Variants in ASIP observed in about 807,000 individuals in gnomAD.
ASIP encodes the protein agouti signaling protein.
Under a neutral mutation model 10.3 loss-of-function variants are expected in ASIP, and 11 were observed. The observed-to-expected ratio is 1.07, with a 90% confidence interval of 0.68 to 1.78. ASIP has a LOEUF of 1.78. Ranked by LOEUF, ASIP falls within the 40% of genes most tolerant of loss-of-function variation. The probability of loss-of-function intolerance (pLI) is 0.00; values close to 1 mark genes in which losing one functional copy is unlikely to be tolerated. For synonymous variants in ASIP, 70 were observed against 70.8 expected, an observed-to-expected ratio of 0.99 and a Z score of 0.06; for missense variants, 180 against 169.2, an observed-to-expected ratio of 1.06 and a Z score of -0.35.
intron 1 of ASIP, chr20:34,246,258 G>A (rs1280823375): frequency 6.5e-7 from 1 of 1,548,440 alleles, no homozygotes; most frequent in Admixed American, 2.0e-5. Flanking sequence ...CCTCTCTTCT[G>A]TTTTTTCTTC....
At chr20:34,235,875 AAGG>A (rs1241944485) in intron 1 of ASIP, among the ~76,000 whole-genome samples, 7 of 82,642 alleles carry the variant, frequency 8.5e-5, no homozygotes, top group Non-Finnish European at 1.4e-4. Context: ...GAAAGGAAGG[AAGG>A]AAGGAAGGAA....
intron 1 of ASIP, among the ~76,000 whole-genome samples, chr20:34,232,558 G>A (rs558349907): frequency 1.3e-5 from 2 of 152,276 alleles, no homozygotes; most frequent in Admixed American, 6.5e-5. Context: ...TCAACCACCT[G>A]TGAATAAGTC....
upstream of ASIP, among the ~76,000 whole-genome samples, chr20:34,239,164 C>T (rs2035250201): frequency 1.3e-5 from 2 of 152,144 alleles, no homozygotes; most frequent in Admixed American, 1.3e-4. Context: ...CACTCCCATC[C>T]CCCATCTCAC....
intron 1 of ASIP, among the ~76,000 whole-genome samples, chr20:34,257,116 C>T (rs1458281246): frequency 6.8e-6 from 1 of 147,572 alleles, no homozygotes; most frequent in Non-Finnish European, 1.5e-5. Flanking sequence ...GACAGTTTCC[C>T]TCTTTCACCC....
intron 1 of ASIP, among the ~76,000 whole-genome samples, chr20:34,256,911 G>T (rs760036285): frequency 6.6e-6 from 1 of 152,016 alleles, no homozygotes; most frequent in Non-Finnish European, 1.5e-5. Context: ...CACCCGAGTA[G>T]CTGGGAACAC....
At chr20:34,187,014 G>A in the ASIP span, among the ~76,000 whole-genome samples, 13 of 152,198 alleles carry the variant, frequency 8.5e-5, no homozygotes, top group South Asian at 1.7e-3. Context: ...GGGTTTCACC[G>A]TGTTACCCAG....
intron 1 of ASIP, among the ~76,000 whole-genome samples, chr20:34,201,024 C>CTTTCTTTCTTTCTT (rs2034893342): frequency 3.6e-5 from 3 of 82,532 alleles, no homozygotes; most frequent in African/African-American, 2.0e-4. Flanking sequence ...TTCCTTCTTT[C>CTTTCTTTCTTTCTT]TTTCTTTCTT....
At position 34,231,649 on chromosome 20, in the gene ASIP, T is replaced by C. The variant is rs144149105; in HGVS notation, c.-10-28716T>C. Among the ~76,000 whole-genome samples the C allele has an allele frequency of 4.0e-4, 61 of 152,344 alleles. 1 individual carries two copies. Among genetic ancestry groups the C allele is most frequent in the Middle Eastern group, 6.8e-3 (2 of 294 alleles). On this transcript the variant is annotated intron_variant, in intron 1 of 3. Coordinates refer to the ASIP transcript ENST00000568305. ...TCTGACAAAGAACTTGTATCCAGAATATAGTTTTAAAAATAAGAAACACTA... is the reference window on the plus strand; with the variant it reads ...TCTGACAAAGAACTTGTATCCAGAACATAGTTTTAAAAATAAGAAACACTA...
At chr20:34,238,390 T>G (rs1454665324), upstream of ASIP, among the ~76,000 whole-genome samples, 3 of 152,184 alleles carry the variant, frequency 2.0e-5, no homozygotes, top group African/African-American at 7.2e-5. Flanking sequence ...TGGTTCTATC[T>G]TCAAGTTCAT....
chr20:34,255,585 A>T (rs2035553466), intron 1 of ASIP, among the ~76,000 whole-genome samples: 1 of 152,252 alleles, frequency 6.6e-6, no homozygotes, highest in Non-Finnish European at 1.5e-5. Context: ...TTATATATGA[A>T]TATCATTAAT....
At chr20:34,258,345 TC>T (rs1264985962) in intron 1 of ASIP, among the ~76,000 whole-genome samples, 1 of 132,514 alleles carries the variant, frequency 7.5e-6, no homozygotes, top group East Asian at 2.1e-4. Flanking sequence ...CGTTGGATAT[TC>T]TTTTTTTTTT....
chr20:34,195,455 C>T (rs1366657020), intron 1 of ASIP, among the ~76,000 whole-genome samples: 1 of 152,172 alleles, frequency 6.6e-6, no homozygotes, highest in Non-Finnish European at 1.5e-5. Context: ...TCTCCTCAAG[C>T]CACAGGGATC....
At chr20:34,215,106 T>C in intron 1 of ASIP, 1 of 1,573,646 alleles carries the variant, frequency 6.4e-7, no homozygotes, top group Non-Finnish European at 8.7e-7. Flanking sequence ...ATTCTACTAG[T>C]TTCATTTTAT....
At chr20:34,262,997 AG>A in intron 3 of ASIP, 104 bp downstream of exon 3, 1 of 1,327,566 alleles carries the variant, frequency 7.5e-7, no homozygotes, top group Non-Finnish European at 1.1e-6. Context: ...AAGATTTTTC[AG>A]GCCTATATTA....
chr20:34,237,169 C>A (rs887444070), upstream of ASIP, among the ~76,000 whole-genome samples: 2 of 152,022 alleles, frequency 1.3e-5, no homozygotes, highest in Non-Finnish European at 2.9e-5. Flanking sequence ...AAGTGTGAGT[C>A]CTCCAGCTTT....
At chr20:34,230,801 T>C (rs1285566975) in intron 1 of ASIP, among the ~76,000 whole-genome samples, 1 of 36,594 alleles carries the variant, frequency 2.7e-5, no homozygotes, top group Non-Finnish European at 4.5e-5. Context: ...CCGGACGGGG[T>C]GGCTGCCGGG....
At chr20:34,235,884 A>G (rs1169026306) in intron 1 of ASIP, among the ~76,000 whole-genome samples, 1 of 95,482 alleles carries the variant, frequency 1.0e-5, no homozygotes, top group East Asian at 3.2e-4. Flanking sequence ...GAAGGAAGGA[A>G]GGAAGGAAGG....
At chr20:34,212,335 ACT>A (rs1161630928) in intron 1 of ASIP, among the ~76,000 whole-genome samples, 5 of 152,092 alleles carry the variant, frequency 3.3e-5, no homozygotes, top group East Asian at 3.8e-4. Flanking sequence ...CTGTGTGTTC[ACT>A]CTCTTTCTTC....
At chr20:34,214,206 T>C in intron 1 of ASIP, 1 of 1,328,564 alleles carries the variant, frequency 7.5e-7, no homozygotes, top group Non-Finnish European at 1.1e-6. Context: ...ATTGAGAGAT[T>C]TGACAAATCT....
Sources: gnomAD v4.1 joint callset for allele counts (sites outside exome capture counted in the v4.1 genomes callset) on GRCh38, gnomAD v4.1.1 for gene constraint, MANE v1.5 for transcripts, NCBI Gene and HGNC (gene_info 2026-07-23, HGNC 2026-07-21) for gene names.